Variants in SLIT1 observed in about 807,000 individuals in gnomAD.
The protein encoded by SLIT1 is slit guidance ligand 1, also known as slit homolog 1 protein.
In SLIT1, 66 loss-of-function variants were observed where a neutral mutation model predicts 186.1. The ratio of observed to expected loss-of-function variants is 0.35; its 90% confidence interval spans 0.29 to 0.44. SLIT1 has a LOEUF of 0.44. SLIT1 is among the 20% of genes least tolerant of loss of function. SLIT1 has a pLI of 1.00. For missense variants in SLIT1, 1,638 were observed against 2,037.4 expected (o/e 0.80, Z 3.77); for synonymous variants, 761 against 833.8 (o/e 0.91, Z 1.50).
chr10:97,157,693 C>T, intron 4 of SLIT1, 125 bp downstream of exon 4: 1 of 741,976 alleles, frequency 1.3e-6, no homozygotes, highest in Non-Finnish European at 2.4e-6. Context: ...ACCATTCCTG[C>T]CAGGGGAGGA....
At position 97,004,580 on chromosome 10, in the gene SLIT1, C is replaced by T; in HGVS notation, c.3710+113G>A. On this transcript the variant is annotated intron_variant, in intron 33 of 36. Transcript: ENST00000266058. This position sits in a 1 kb window ranked among gnomAD's most constrained non-coding sequence, Gnocchi z 5.1. ...AGATGGTTCAAGTGTCCTTCAAACT[C>T]AGGCAGCCCAGGTTTCTAGAGGTCT... The T allele has an allele frequency of 7.6e-7, 1 of 1,310,014 alleles. No individual in the cohort carries two copies. The highest frequency in any genetic ancestry group is 1.1e-6 in the Non-Finnish European group (1 of 926,694). The allele number at this position is 1,310,014 out of a possible 1,614,324, so 81.1% of individuals were successfully genotyped here.
chr10:97,048,893 C>T (rs897599419), intron 14 of SLIT1, 62 bp downstream of exon 14: 8 of 1,466,792 alleles, frequency 5.5e-6, no homozygotes, highest in South Asian at 2.4e-5. Flanking sequence ...ACAAGTAGGC[C>T]GGTGGGCAGG....
Position 97,043,816 on chromosome 10 carries a change from G to A in SLIT1, c.1854-303C>T, listed in dbSNP as rs74153753. Among the ~76,000 whole-genome samples, 1,620 of 152,224 alleles carry A rather than the reference G, an allele frequency of 0.011. 29 individuals carry two copies. Among genetic ancestry groups the A allele is most frequent in the African/African-American group, 0.034 (1,429 of 41,532 alleles). ...CCCTGGGTGCCCAGAGTTCCTGCCC[G>A]TCTTTAGGCCATGCTCCACATCAGT... On this transcript the variant is annotated intron_variant, in intron 18 of 36. Coordinates refer to ENST00000266058, the MANE Select transcript of SLIT1 (RefSeq NM_003061.3). The surrounding 1 kb of genome is among the most constrained non-coding windows in gnomAD (Gnocchi z 7.0).
chr10:97,170,294 T>G (rs1182629438), intron 1 of SLIT1, among the ~76,000 whole-genome samples: 1 of 152,260 alleles, frequency 6.6e-6, no homozygotes, highest in East Asian at 1.9e-4. Context: ...AGGATGATGG[T>G]AAGACCCACT....
intron 23 of SLIT1, among the ~76,000 whole-genome samples, chr10:97,032,485 C>T (rs1848599952): frequency 1.3e-5 from 2 of 151,612 alleles, no homozygotes; most frequent in Admixed American, 6.6e-5. Context: ...AGGGGAATCA[C>T]TTGAATCTGG....
At chr10:97,031,885 A>AC (rs1848594738) in intron 23 of SLIT1, among the ~76,000 whole-genome samples, 1 of 152,238 alleles carries the variant, frequency 6.6e-6, no homozygotes, top group South Asian at 2.1e-4. Context: ...TTCTGCCTCA[A>AC]TCAGTTCCCC....
At chr10:97,170,943 A>C (rs1296699966) in intron 1 of SLIT1, among the ~76,000 whole-genome samples, 1 of 151,940 alleles carries the variant, frequency 6.6e-6, no homozygotes, top group African/African-American at 2.4e-5. Context: ...CCAGCTTCAC[A>C]ATTTCTCACC....
rs1849945845 is a variant in SLIT1 at position 97,155,974 on chromosome 10, T to TTCAACC, written c.413+1843_413+1844insGGTTGA. Among the ~76,000 whole-genome samples the TTCAACC allele has an allele frequency of 2.6e-5, 4 of 152,198 alleles. No individual in the cohort carries two copies. The South Asian group carries it at 8.3e-4, about 31-fold the overall frequency. Reference sequence around the variant, plus strand: ...AGCATGGACCACATAGACCAGTGCATGGCCCACAGGTTCAACAGACATTAC... The same window carrying TTCAACC: ...AGCATGGACCACATAGACCAGTGCATTCAACCGGCCCACAGGTTCAACAGACATTAC... On this transcript the variant is annotated intron_variant, in intron 4 of 36. Coordinates refer to ENST00000266058, the MANE Select transcript of SLIT1 (RefSeq NM_003061.3).
intron 6 of SLIT1, 148 bp downstream of exon 6, chr10:97,064,657 T>C (rs1301184679): frequency 6.3e-6 from 4 of 637,710 alleles, no homozygotes; most frequent in Non-Finnish European, 1.1e-5. Flanking sequence ...ACCCCATGAG[T>C]GCCTGTCCTC....
At chr10:97,152,483 A>C (rs1849892353) in intron 4 of SLIT1, among the ~76,000 whole-genome samples, 1 of 152,148 alleles carries the variant, frequency 6.6e-6, no homozygotes, top group Non-Finnish European at 1.5e-5. Flanking sequence ...CACAGTGTTC[A>C]TGTCTGACAC....
At chr10:97,015,365 G>C (rs914673606) in intron 28 of SLIT1, among the ~76,000 whole-genome samples, 2 of 152,328 alleles carry the variant, frequency 1.3e-5, no homozygotes, top group South Asian at 2.1e-4. Flanking sequence ...TTGAAGGAAG[G>C]CCTCATAGAA....
chr10:97,012,114 A>G (rs961072707), intron 30 of SLIT1, among the ~76,000 whole-genome samples: 2 of 150,076 alleles, frequency 1.3e-5, no homozygotes, highest in African/African-American at 2.5e-5. Flanking sequence ...ACACACACAC[A>G]CACACACACA....
At chr10:97,084,168 G>A (rs1390218482) in intron 4 of SLIT1, among the ~76,000 whole-genome samples, 1 of 152,204 alleles carries the variant, frequency 6.6e-6, no homozygotes, top group Non-Finnish European at 1.5e-5. Flanking sequence ...AACTGTTCAG[G>A]GCTCAGGAGC....
At chr10:97,012,212 T>C (rs1444627844) in intron 30 of SLIT1, among the ~76,000 whole-genome samples, 1 of 152,100 alleles carries the variant, frequency 6.6e-6, no homozygotes, top group African/African-American at 2.4e-5. Flanking sequence ...GATACTTTGT[T>C]TCATCTTTTA....
At chr10:97,092,240 A>G (rs1849239705) in intron 4 of SLIT1, among the ~76,000 whole-genome samples, 1 of 152,226 alleles carries the variant, frequency 6.6e-6, no homozygotes, top group African/African-American at 2.4e-5. Context: ...CAAATTGTGC[A>G]TATGTGCATG....
At chr10:97,139,408 G>A (rs1044797675) in intron 4 of SLIT1, among the ~76,000 whole-genome samples, 1 of 152,226 alleles carries the variant, frequency 6.6e-6, no homozygotes, top group Admixed American at 6.5e-5. Flanking sequence ...CCTAAGCACT[G>A]TGGAGAGGAG....
chr10:97,178,274 A>G (rs148143503), intron 1 of SLIT1, among the ~76,000 whole-genome samples: 1 of 152,320 alleles, frequency 6.6e-6, no homozygotes, highest in Non-Finnish European at 1.5e-5. Flanking sequence ...ACTGGCACAA[A>G]CTGACATCAC....
At chr10:97,162,337 C>T (rs1189100056) in intron 3 of SLIT1, among the ~76,000 whole-genome samples, 5 of 152,234 alleles carry the variant, frequency 3.3e-5, no homozygotes, top group Admixed American at 6.5e-5. Context: ...TGGCCAGGCA[C>T]GGTGGCTCAC....
intron 9 of SLIT1, 58 bp downstream of exon 9, chr10:97,060,582 T>A: frequency 3.1e-6 from 5 of 1,604,182 alleles, no homozygotes; most frequent in Non-Finnish European, 4.3e-6. Context: ...TCACTGGCCC[T>A]CCAGAGCCAG....
Sources: allele counts gnomAD v4.1 joint callset (sites outside exome capture counted in the v4.1 genomes callset), GRCh38; gene constraint gnomAD v4.1.1; non-coding constraint Gnocchi (gnomAD v3.1); transcripts MANE v1.5; gene names NCBI Gene and HGNC (gene_info 2026-07-23, HGNC 2026-07-21).